The following PCDHGB2 variants were observed in gnomAD, a reference collection of about 807,000 sequenced individuals.
PCDHGB2 encodes the protein protocadherin gamma-B2.
Under a neutral mutation model 59.3 loss-of-function variants are expected in PCDHGB2, and 55 were observed. That is an observed-to-expected ratio of 0.93 (90% CI 0.75 to 1.16). The LOEUF (loss-of-function observed/expected upper bound fraction) is 1.16, where lower values mean the gene tolerates loss of function less well. Among genes scored for constraint, PCDHGB2 ranks in the 50% most tolerant of loss-of-function variants. The pLI is 0.00. For synonymous variants in PCDHGB2, 516 were observed against 512.0 expected (o/e 1.01, Z -0.11); for missense variants, 1,228 against 1,198.5 (o/e 1.02, Z -0.36).
At chr5:141,370,800 A>G (rs1767214052) in intron 1 of PCDHGB2, 1 of 1,614,026 alleles carries the variant, frequency 6.2e-7, no homozygotes, top group African/African-American at 1.3e-5. Context: ...CTTTAGCCAA[A>G]ATATCACTGA....
intron 1 of PCDHGB2, chr5:141,433,047 C>G: frequency 1.9e-6 from 3 of 1,614,164 alleles, no homozygotes; most frequent in Non-Finnish European, 2.5e-6. Context: ...ACCACGGACT[C>G]GCGGAAGAGT....
chr5:141,421,530 C>A, intron 1 of PCDHGB2: 1 of 1,614,040 alleles, frequency 6.2e-7, no homozygotes, highest in Non-Finnish European at 8.5e-7. Context: ...AGACGGTGTC[C>A]TCCTGTTTTT....
chr5:141,392,096 A>G (rs2092464422), intron 1 of PCDHGB2: 1 of 152,256 alleles, frequency 6.6e-6, no homozygotes, highest in Non-Finnish European at 1.5e-5. Context: ...AGAATAATTT[A>G]AAAGCAACAA....
At chr5:141,405,407 CT>C (rs762612492) in intron 1 of PCDHGB2, 3 of 1,582,042 alleles carry the variant, frequency 1.9e-6, no homozygotes, top group South Asian at 1.1e-5. Context: ...TCTTTCTTTT[CT>C]TTTTTTGTTT....
intron 1 of PCDHGB2, chr5:141,418,939 C>G: frequency 6.2e-7 from 1 of 1,613,760 alleles, no homozygotes; most frequent in Non-Finnish European, 8.5e-7. Context: ...TGGAGGATTC[C>G]CCTCCAGGAG....
chr5:141,409,328 T>A, intron 1 of PCDHGB2: 3 of 1,613,926 alleles, frequency 1.9e-6, no homozygotes, highest in Non-Finnish European at 2.5e-6. Context: ...GGATCTGGAT[T>A]TCGGAGGAAA....
intron 1 of PCDHGB2, chr5:141,418,506 ATGG>A (rs2096264933): frequency 6.2e-7 from 1 of 1,613,860 alleles, no homozygotes; most frequent in African/African-American, 1.3e-5. Context: ...ACCGCCTTAG[ATGG>A]TGGGGACCCT....
intron 1 of PCDHGB2, chr5:141,365,631 C>G (rs973353724): frequency 6.2e-7 from 1 of 1,613,644 alleles, no homozygotes; most frequent in African/African-American, 1.3e-5. Flanking sequence ...CCCCTCTCTA[C>G]AGAAAGCCAC....
intron 1 of PCDHGB2, among the ~76,000 whole-genome samples, chr5:141,471,118 A>G (rs58897068): frequency 0.11 from 15,938 of 141,604 alleles, 871 homozygotes; most frequent in South Asian, 0.16. Flanking sequence ...GTGCGATCTT[A>G]CCTTCACTGC....
At chr5:141,410,676 T>G in intron 1 of PCDHGB2, 1 of 1,550,692 alleles carries the variant, frequency 6.4e-7, no homozygotes, top group African/African-American at 1.4e-5. Flanking sequence ...TTTCTCATAT[T>G]TTAGGCATAC....
intron 1 of PCDHGB2, among the ~76,000 whole-genome samples, chr5:141,454,250 C>T (rs1453631901): frequency 6.6e-6 from 1 of 151,974 alleles, no homozygotes; most frequent in African/African-American, 2.4e-5. Context: ...TGAAGATGTC[C>T]CAGAGAAAGT....
At chr5:141,398,893 C>G in intron 1 of PCDHGB2, 1 of 1,613,962 alleles carries the variant, frequency 6.2e-7, no homozygotes, top group Admixed American at 1.7e-5. Flanking sequence ...GGAAAACGTG[C>G]CACCAGGCAC....
intron 1 of PCDHGB2, among the ~76,000 whole-genome samples, chr5:141,397,021 AC>A (rs1313075505): frequency 6.6e-6 from 1 of 152,234 alleles, no homozygotes; most frequent in Non-Finnish European, 1.5e-5. Context: ...AAGAAGGTTG[AC>A]CAATGTCCAC....
intron 3 of PCDHGB2, among the ~76,000 whole-genome samples, chr5:141,507,784 T>C (rs2099863290): frequency 6.6e-6 from 1 of 152,136 alleles, no homozygotes; most frequent in Non-Finnish European, 1.5e-5. Context: ...GGCCTGACCC[T>C]CGTCTAAGCC....
chr5:141,371,942 G>A, intron 1 of PCDHGB2: 5 of 1,613,292 alleles, frequency 3.1e-6, no homozygotes, highest in South Asian at 2.2e-5. Flanking sequence ...TGGTGTTCGC[G>A]CAGCGAGCCT....
chr5:141,497,131 A>G (rs1269110126), intron 2 of PCDHGB2, among the ~76,000 whole-genome samples: 3 of 152,122 alleles, frequency 2.0e-5, no homozygotes, highest in Admixed American at 6.6e-5. Flanking sequence ...GGTTGCAGTG[A>G]GCTGAGATCA....
intron 2 of PCDHGB2, among the ~76,000 whole-genome samples, chr5:141,501,536 G>A (rs570102957): frequency 5.9e-5 from 9 of 152,054 alleles, no homozygotes; most frequent in African/African-American, 2.2e-4. Context: ...GTACGTTGTT[G>A]TGCATAAGAT....
intron 1 of PCDHGB2, chr5:141,417,116 C>A (rs1407873769): frequency 6.6e-6 from 1 of 151,954 alleles, no homozygotes; most frequent in Non-Finnish European, 1.5e-5. Context: ...ATACAGGACA[C>A]CCTGGATGAT....
At chr5:141,405,047 G>A in intron 1 of PCDHGB2, 4 of 1,613,944 alleles carry the variant, frequency 2.5e-6, no homozygotes, top group Non-Finnish European at 2.5e-6. Context: ...GGCTGTGGCA[G>A]TCGTCTCCTG....
Sources: allele counts gnomAD v4.1 joint callset (sites outside exome capture counted in the v4.1 genomes callset), GRCh38; gene constraint gnomAD v4.1.1; transcripts MANE v1.5; gene names NCBI Gene and HGNC (gene_info 2026-07-23, HGNC 2026-07-21).